CCDC150: variants seen among roughly 807,000 people sequenced by gnomAD.
CCDC150 encodes the protein coiled-coil domain containing 150, also known as coiled-coil domain-containing protein 150.
CCDC150 carries 151 observed loss-of-function variants against 156.5 expected under a neutral mutation model. The observed-to-expected ratio is 0.97, with a 90% CI of 0.85 to 1.10. CCDC150 has a LOEUF of 1.10. Ranked by LOEUF, CCDC150 falls within the 50% of genes least tolerant of loss-of-function variation. The pLI is 0.00. For missense variants in CCDC150, 1,312 were observed against 1,268.1 expected (o/e 1.03, Z -0.53); for synonymous variants, 452 against 429.4 (o/e 1.05, Z -0.65).
intron 1 of CCDC150, among the ~76,000 whole-genome samples, chr2:196,644,182 C>T (rs1005089195): frequency 1.3e-5 from 2 of 152,122 alleles, no homozygotes; most frequent in South Asian, 4.1e-4. Flanking sequence ...CAGAATATAT[C>T]ACATGAGTGT....
At chr2:196,694,052 ATTTTTTTTT>A (rs57421391) in intron 13 of CCDC150, among the ~76,000 whole-genome samples, 1 of 79,440 alleles carries the variant, frequency 1.3e-5, no homozygotes, top group Admixed American at 1.4e-4. Flanking sequence ...TTTGTGGAAG[ATTTTTTTTT>A]TTTTTTTTTT....
chr2:196,706,327 G>A (rs1457788076), intron 15 of CCDC150, among the ~76,000 whole-genome samples: 1 of 152,130 alleles, frequency 6.6e-6, no homozygotes, highest in Admixed American at 6.5e-5. Context: ...TGTTATTGGT[G>A]TATAGGAATG....
chr2:196,730,168 T>A, intron 25 of CCDC150, 50 bp downstream of exon 25: 1 of 1,513,018 alleles, frequency 6.6e-7, no homozygotes, highest in South Asian at 1.3e-5. Flanking sequence ...AAATGACATG[T>A]GCCAAAGCCC....
chr2:196,656,312 G>T lies in CCDC150; in HGVS notation c.177-321G>T, dbSNP rs148347368. ...CTTAATTGGATGGCACAGTGCCTGGGGTGGGGTTTGGACCTGAGTGTGCCT... is the reference window on the plus strand; with the variant it reads ...CTTAATTGGATGGCACAGTGCCTGGTGTGGGGTTTGGACCTGAGTGTGCCT... On this transcript the variant is annotated intron_variant, in intron 2 of 27. Coordinates refer to ENST00000389175, the MANE Select transcript of CCDC150 (RefSeq NM_001080539.2). 3.7e-3 allele frequency among the ~76,000 whole-genome samples: 567 copies of T among 152,266 alleles called. 11 individuals are homozygous for T. Among genetic ancestry groups the T allele is most frequent in the Admixed American group, 0.034 (526 of 15,302 alleles).
chr2:196,701,858 A>C (rs1696234463), intron 15 of CCDC150, among the ~76,000 whole-genome samples: 2 of 152,176 alleles, frequency 1.3e-5, no homozygotes, highest in African/African-American at 4.8e-5. Flanking sequence ...TTAATGGTAG[A>C]ATTTGGATGG....
At chr2:196,668,293 T>C (rs1243173240) in intron 7 of CCDC150, among the ~76,000 whole-genome samples, 1 of 32,894 alleles carries the variant, frequency 3.0e-5, no homozygotes. Flanking sequence ...CAAAACTCCA[T>C]CTAAAAAAAA....
intron 13 of CCDC150, among the ~76,000 whole-genome samples, chr2:196,689,590 G>T (rs1167820665): frequency 6.6e-6 from 1 of 152,032 alleles, no homozygotes. Context: ...TTTGTACATT[G>T]ATTTTGTATC....
chr2:196,710,150 G>A (rs1271802137), intron 15 of CCDC150, among the ~76,000 whole-genome samples: 1 of 152,246 alleles, frequency 6.6e-6, no homozygotes, highest in African/African-American at 2.4e-5. Flanking sequence ...GTCTTGCTGA[G>A]CTGTGGTGGG....
At chr2:196,641,637 C>T (rs1194663864) in intron 1 of CCDC150, among the ~76,000 whole-genome samples, 2 of 152,188 alleles carry the variant, frequency 1.3e-5, no homozygotes, top group Non-Finnish European at 2.9e-5. Context: ...ATAAGCTCCA[C>T]GAAGGCAGGG....
intron 25 of CCDC150, 136 bp from the exon 26 acceptor site, chr2:196,730,723 T>C (rs1698473905): frequency 9.3e-6 from 6 of 644,338 alleles, no homozygotes; most frequent in Non-Finnish European, 1.7e-5. Flanking sequence ...TTTTATCTCA[T>C]ATGTCAGTAG....
At chr2:196,662,095 A>G (rs1466780473) in intron 5 of CCDC150, among the ~76,000 whole-genome samples, 1 of 152,220 alleles carries the variant, frequency 6.6e-6, no homozygotes, top group Non-Finnish European at 1.5e-5. Flanking sequence ...AAGTTTAGGA[A>G]AGTATATTAA....
intron 2 of CCDC150, among the ~76,000 whole-genome samples, chr2:196,652,711 C>G (rs1324195991): frequency 6.6e-6 from 1 of 152,242 alleles, no homozygotes; most frequent in Non-Finnish European, 1.5e-5. Flanking sequence ...GTGGGGACTC[C>G]AGTCCCACAT....
intron 21 of CCDC150, 71 bp from the exon 22 acceptor site, chr2:196,725,902 C>T: frequency 7.0e-7 from 1 of 1,422,830 alleles, no homozygotes; most frequent in South Asian, 1.3e-5. Context: ...GTTGCACACT[C>T]CCCTCCAAAA....
In CCDC150 at chr2:196,667,019, G is replaced by A. The variant is rs1195544511; in HGVS notation, c.892+171G>A. 10 of 646,256 alleles carry A rather than the reference G, an allele frequency of 1.5e-5. No individual in the cohort carries two copies. In the Admixed American group the frequency reaches 2.9e-4, roughly 18 times the overall value. The allele number at this position is 646,256 out of a possible 1,614,324, so 40.0% of individuals were successfully genotyped here. A position where few individuals can be genotyped will look rare whatever the true frequency, so the allele number is the denominator to read the frequency against. On this transcript the variant is annotated intron_variant, in intron 7 of 27. Transcript: ENST00000389175. Reference sequence around the variant, plus strand: ...TACCTGCAGTACTGAGATACAGAAGGATTGTTGTTAATAATATATTTGACC... The same window carrying A: ...TACCTGCAGTACTGAGATACAGAAGAATTGTTGTTAATAATATATTTGACC...
In CCDC150 at chr2:196,658,812, A is replaced by C. The variant is rs1693382778; in HGVS notation, c.597A>C (p.Glu199Asp). Residue 199 changes from glutamate (E) to aspartate (D), a missense_variant, in exon 5 of 28, where the codon GAA becomes GAC. Transcript: ENST00000389175. ...SQTKKNAAIIEEELKTTKRKM... is the reference protein window; with the variant it reads ...SQTKKNAAIIDEELKTTKRKM... ...TTTAGAAGAATGCAGCCATTATTGA[A>C]GAGGAACTGAAGACCACAAAACGTA... is the stretch of plus-strand genomic sequence containing the variant. 1 of 1,605,126 alleles carries C rather than the reference A, an allele frequency of 6.2e-7. No individual in the cohort carries two copies. Among genetic ancestry groups the C allele is most frequent in the African/African-American group, 1.3e-5 (1 of 74,754 alleles).
At chr2:196,644,428 C>G (rs931941062) in intron 1 of CCDC150, among the ~76,000 whole-genome samples, 1 of 152,152 alleles carries the variant, frequency 6.6e-6, no homozygotes, top group Non-Finnish European at 1.5e-5. Flanking sequence ...GGTGGCTCCA[C>G]CAACTGCAGC....
At chr2:196,728,666 C>T (rs1374989814) in intron 22 of CCDC150, among the ~76,000 whole-genome samples, 1 of 152,090 alleles carries the variant, frequency 6.6e-6, no homozygotes, top group Non-Finnish European at 1.5e-5. Flanking sequence ...TATAAACTGC[C>T]ATATAATTCA....
At chr2:196,708,192 G>C (rs866543428) in intron 15 of CCDC150, among the ~76,000 whole-genome samples, 1 of 152,132 alleles carries the variant, frequency 6.6e-6, no homozygotes, top group Non-Finnish European at 1.5e-5. Flanking sequence ...GGGTGCTCTT[G>C]TATTGGGTGT....
rs1698575317 is a variant in CCDC150 at position 196,732,462 on chromosome 2, A to C, written c.3206A>C (p.His1069Pro). Residue 1069 changes from histidine to proline, a missense_variant, in exon 28 of 28, where the codon CAT becomes CCT. Coordinates refer to ENST00000389175, the MANE Select transcript of CCDC150 (RefSeq NM_001080539.2). ...TTCCAACAGGACCAAGATGTAAAAC[A>C]TGATGTCATGTCCAACCAATCTGTT... Reference protein sequence around the residue: ...RWQEKDQDVKHDVMSNQSVLH... With the variant: ...RWQEKDQDVKPDVMSNQSVLH... The C allele has an allele frequency of 6.2e-7, 1 of 1,613,206 alleles. No individual in the cohort carries two copies.
Sources: gnomAD v4.1 joint callset for allele counts (sites outside exome capture counted in the v4.1 genomes callset) on GRCh38, gnomAD v4.1.1 for gene constraint, MANE v1.5 for transcripts, NCBI Gene and HGNC (gene_info 2026-07-23, HGNC 2026-07-21) for gene names.